The following MRPS25 variants were observed in gnomAD, a reference collection of about 807,000 sequenced individuals.
MRPS25 encodes the protein mitochondrial ribosomal protein S25.
Under a neutral mutation model 17.3 loss-of-function variants are expected in MRPS25, and 15 were observed. That is an observed-to-expected ratio of 0.87 (90% confidence interval 0.58 to 1.34). The LOEUF is 1.34. Ranked by LOEUF, MRPS25 falls within the 40% of genes most tolerant of loss-of-function variation. The pLI is 0.00. For synonymous variants in MRPS25, 94 were observed against 83.3 expected, an observed-to-expected ratio of 1.13 and a Z score of -0.70; for missense variants, 225 against 218.6, an observed-to-expected ratio of 1.03 and a Z score of -0.19.
rs1284890650 is a variant in MRPS25 at position 15,062,594 on chromosome 3, C to CATG, written c.134+2464_134+2466dup. Among the ~76,000 whole-genome samples the CATG allele has an allele frequency of 3.3e-5, 5 of 152,036 alleles. No individual in the cohort carries two copies. In the East Asian group the frequency reaches 9.7e-4, roughly 29 times the overall value. On this transcript the variant is annotated intron_variant, in intron 1 of 3. Transcript: ENST00000253686. ...GCCCAACAGCTCATTGAGAACGGGC[C>CATG]ATGATGACAATGGCAGTTTTGTGGA...
chr3:15,042,523 T>C (rs549868554), downstream of MRPS25: 10 of 249,642 alleles, frequency 4.0e-5, no homozygotes, highest in East Asian at 4.7e-4. Flanking sequence ...GTTCATCATA[T>C]GAAGACTCCT....
At position 15,059,468 on chromosome 3, in the gene MRPS25, C is replaced by CAA; in HGVS notation, c.140_141dup (p.Val48LeufsTer19). The CAA allele has an allele frequency of 6.2e-7, 1 of 1,609,710 alleles. No homozygotes were observed. The highest frequency in any genetic ancestry group is 8.5e-7 in the Non-Finnish European group (1 of 1,176,498). On this transcript the variant is annotated frameshift_variant, in exon 2 of 4. Coordinates refer to ENST00000253686, the MANE Select transcript of MRPS25 (RefSeq NM_022497.5). LOFTEE classifies it high-confidence loss of function. Reference sequence around the variant, plus strand: ...TGAATCTGAGGTATGTTGAAAAACACAAACTTCCTGCAAAAGGGAAGAAAT... The same window carrying CAA: ...TGAATCTGAGGTATGTTGAAAAACACAAAAACTTCCTGCAAAAGGGAAGAAAT...
At chr3:15,052,684 G>A (rs1409601572) in intron 3 of MRPS25, 51 bp from the exon 4 acceptor site, 1 of 1,579,124 alleles carries the variant, frequency 6.3e-7, no homozygotes, top group Non-Finnish European at 8.6e-7. Context: ...TGAGTGGCAG[G>A]CACAGGGCAG....
At chr3:15,064,947 G>A (rs1419321996) in intron 1 of MRPS25, 114 bp downstream of exon 1, 2 of 1,370,230 alleles carry the variant, frequency 1.5e-6, no homozygotes, top group African/African-American at 1.5e-5. Flanking sequence ...GCCGACCTGG[G>A]GGGCCCGCCC....
chr3:15,056,030 C>G (rs111598998), intron 2 of MRPS25, among the ~76,000 whole-genome samples: 5,387 of 151,632 alleles, frequency 0.036, 116 homozygotes, highest in Non-Finnish European at 0.053. Flanking sequence ...TGGCTAACAC[C>G]GTGAAACCCC....
chr3:15,056,969 G>A (rs1475686761), intron 2 of MRPS25, among the ~76,000 whole-genome samples: 2 of 152,324 alleles, frequency 1.3e-5, no homozygotes, highest in Admixed American at 6.5e-5. Context: ...TTGCACTCAG[G>A]TATACCCCCA....
chr3:15,053,752 G>A (rs1421356402), intron 2 of MRPS25, among the ~76,000 whole-genome samples: 2 of 152,062 alleles, frequency 1.3e-5, no homozygotes, highest in Non-Finnish European at 2.9e-5. Flanking sequence ...ATTCTCCCCA[G>A]ACTGATCTAC....
rs1210700289 is a variant in MRPS25 at position 15,049,081 on chromosome 3, T to C, written c.*3360A>G. ...AAAAAATAGCATGTTCTTTTTAAAC[T>C]GAATTTTATATCTAATCAATGTCTT... On this transcript the variant is annotated 3_prime_UTR_variant, in exon 4 of 4. Coordinates refer to ENST00000253686, the MANE Select transcript of MRPS25 (RefSeq NM_022497.5). 5 of 152,658 alleles carry C rather than the reference T, an allele frequency of 3.3e-5. No individual in the cohort carries two copies. The highest frequency in any genetic ancestry group is 9.6e-5 in the African/African-American group (4 of 41,456). 9.5% of individuals were successfully genotyped at this position (152,658 alleles called of 1,614,324 possible).
In MRPS25 at chr3:15,050,425, T is replaced by C. The variant is rs2042586789; in HGVS notation, c.*2016A>G. On this transcript the variant is annotated 3_prime_UTR_variant, in exon 4 of 4. Coordinates refer to ENST00000253686, the MANE Select transcript of MRPS25 (RefSeq NM_022497.5). ...CATTCCTGCTGGTTAGCAGCCTCTT[T>C]GGGCCCTAGAGGGAAGGAATACTCT... The C allele has an allele frequency of 2.0e-6, 2 of 1,002,222 alleles. No individual in the cohort carries two copies. The highest frequency in any genetic ancestry group is 4.3e-5 in the South Asian group (1 of 23,278). 62.1% of individuals were successfully genotyped at this position (1,002,222 alleles called of 1,614,324 possible). A position where few individuals can be genotyped will look rare whatever the true frequency, so the allele number is the denominator to read the frequency against.
At chr3:15,055,502 G>A (rs1173350277) in intron 2 of MRPS25, among the ~76,000 whole-genome samples, 6 of 152,140 alleles carry the variant, frequency 3.9e-5, no homozygotes, top group South Asian at 2.1e-4. Context: ...ACTCTCATAG[G>A]TCGCTAGTAG....
At chr3:15,053,568 T>G (rs754227985) in intron 2 of MRPS25, 101 bp from the exon 3 acceptor site, 1 of 1,257,236 alleles carries the variant, frequency 8.0e-7, no homozygotes, top group South Asian at 1.3e-5. Flanking sequence ...CAGAAACATT[T>G]TAATAATAAA....
chr3:15,065,190 G>A lies in MRPS25; in HGVS notation c.5C>T (p.Pro2Leu). The A allele has an allele frequency of 2.5e-6, 4 of 1,597,582 alleles. No individual in the cohort carries two copies. Among genetic ancestry groups the A allele is most frequent in the Non-Finnish European group, 3.4e-6 (4 of 1,173,036 alleles). Residue 2 changes from proline (P) to leucine (L), a missense_variant, in exon 1 of 4, where the codon CCC becomes CTC. Transcript: ENST00000253686. ...GCGGATGGGGAAGCGGCCCTTCATGGGCATGGCGGCAACGGTGGCGGGGCC... is the reference window on the plus strand; with the variant it reads ...GCGGATGGGGAAGCGGCCCTTCATGAGCATGGCGGCAACGGTGGCGGGGCC... Reference protein sequence around the residue: MPMKGRFPIRRT... With the variant: MLMKGRFPIRRT...
In MRPS25 at chr3:15,052,278, C is replaced by A; in HGVS notation, c.*163G>T. On this transcript the variant is annotated 3_prime_UTR_variant, in exon 4 of 4. Coordinates refer to ENST00000253686, the MANE Select transcript of MRPS25 (RefSeq NM_022497.5). ...TTTAGCAGCTCAGCTTCAGACCCTCCTCTCCCACATCCTTTTACACAGGTG... is the reference window on the plus strand; with the variant it reads ...TTTAGCAGCTCAGCTTCAGACCCTCATCTCCCACATCCTTTTACACAGGTG... 1 of 1,393,164 alleles carries A rather than the reference C, an allele frequency of 7.2e-7. No homozygotes were observed. The highest frequency in any genetic ancestry group is 3.0e-5 in the Admixed American group (1 of 33,126). The allele number at this position is 1,393,164 out of a possible 1,614,324, so 86.3% of individuals were successfully genotyped here. A position where few individuals can be genotyped will look rare whatever the true frequency, so the allele number is the denominator to read the frequency against.
At position 15,048,970 on chromosome 3, in the gene MRPS25, A is replaced by G. The variant is rs1431363731; in HGVS notation, c.*3471T>C. 6.6e-6 allele frequency: 1 copy of G among 152,662 alleles called. No individual in the cohort carries two copies. The highest frequency in any genetic ancestry group is 1.5e-5 in the Non-Finnish European group (1 of 68,050). The allele number at this position is 152,662 out of a possible 1,614,324, so 9.5% of individuals were successfully genotyped here. On this transcript the variant is annotated 3_prime_UTR_variant, in exon 4 of 4. Transcript: ENST00000253686. ...ATATTGGTTTTGCCATTACATTTTAATGCCAGGTTTAAAACCTGTTGAAAG... is the reference window on the plus strand; with the variant it reads ...ATATTGGTTTTGCCATTACATTTTAGTGCCAGGTTTAAAACCTGTTGAAAG...
chr3:15,042,612 G>C, downstream of MRPS25: 2 of 429,614 alleles, frequency 4.7e-6, no homozygotes, highest in Non-Finnish European at 8.2e-6. Flanking sequence ...ATAAACAAGA[G>C]TGAAGGGAAC....
intron 2 of MRPS25, among the ~76,000 whole-genome samples, chr3:15,057,890 CTCTT>C (rs1258877482): frequency 6.6e-6 from 1 of 152,216 alleles, no homozygotes; most frequent in Non-Finnish European, 1.5e-5. Context: ...TACTAATCTT[CTCTT>C]TTTTTTATTA....
chr3:15,055,505 G>T (rs548405640), intron 2 of MRPS25, among the ~76,000 whole-genome samples: 1 of 152,118 alleles, frequency 6.6e-6, no homozygotes, highest in Non-Finnish European at 1.5e-5. Flanking sequence ...CTCATAGGTC[G>T]CTAGTAGAAA....
At chr3:15,057,811 C>T (rs1414858591) in intron 2 of MRPS25, among the ~76,000 whole-genome samples, 1 of 152,240 alleles carries the variant, frequency 6.6e-6, no homozygotes, top group African/African-American at 2.4e-5. Flanking sequence ...AAAACACAAG[C>T]AAAGCTCACA....
intron 1 of MRPS25, among the ~76,000 whole-genome samples, chr3:15,064,633 G>A (rs565593915): frequency 3.3e-4 from 50 of 152,368 alleles, no homozygotes; most frequent in Admixed American, 5.9e-4. Flanking sequence ...AACTGTGCGA[G>A]ATATGATCAG....
Sources: gnomAD v4.1 joint callset for allele counts (sites outside exome capture counted in the v4.1 genomes callset) on GRCh38, gnomAD v4.1.1 for gene constraint, MANE v1.5 for transcripts, NCBI Gene and HGNC (gene_info 2026-07-23, HGNC 2026-07-21) for gene names.